The following PI4KA variants were observed in gnomAD, a reference collection of about 807,000 sequenced individuals.
PI4KA encodes the protein phosphatidylinositol 4-kinase alpha, also known as PI4-kinase alpha.
A neutral mutation model predicts 271.4 loss-of-function variants in PI4KA; 122 were observed. The observed-to-expected ratio is 0.45, with a 90% CI of 0.39 to 0.52. PI4KA has a LOEUF of 0.52. PI4KA is among the 20% of genes least tolerant of loss of function. The pLI, the probability that PI4KA is intolerant of heterozygous loss-of-function variation, is 0.00. For missense variants in PI4KA, 1,969 were observed against 2,769.1 expected (o/e 0.71, Z 6.48); for synonymous variants, 1,041 against 1,078.8 (o/e 0.96, Z 0.69).
chr22:20,812,750 T>C (rs936815446), intron 8 of PI4KA, among the ~76,000 whole-genome samples: 11 of 152,156 alleles, frequency 7.2e-5, no homozygotes, highest in African/African-American at 2.4e-4. Context: ...GAGATGGGAT[T>C]TCACCATGTT....
At chr22:20,717,515 C>T (rs1324237067) in intron 45 of PI4KA, among the ~76,000 whole-genome samples, 193 bp downstream of exon 45, 2 of 152,264 alleles carry the variant, frequency 1.3e-5, no homozygotes, top group Non-Finnish European at 2.9e-5. Context: ...GAGCAGCTCC[C>T]GCTCACTAGC....
chr22:20,819,303 G>C (rs888574918), intron 6 of PI4KA, among the ~76,000 whole-genome samples: 2 of 148,802 alleles, frequency 1.3e-5, no homozygotes, highest in Non-Finnish European at 3.0e-5. Context: ...TTAAAGGAGT[G>C]GTTTTTTTTT....
chr22:20,759,722 C>T (rs1366691030), intron 23 of PI4KA, among the ~76,000 whole-genome samples: 1 of 152,116 alleles, frequency 6.6e-6, no homozygotes, highest in African/African-American at 2.4e-5. Context: ...CAGGCCACCA[C>T]GCCCGGCTAA....
intron 4 of PI4KA, 37 bp downstream of exon 4, chr22:20,824,289 A>T (rs1404778558): frequency 7.7e-7 from 1 of 1,301,650 alleles, no homozygotes; most frequent in East Asian, 2.3e-5. Context: ...ATTCAATCTA[A>T]TAGAAATGCA....
At chr22:20,761,515 G>A in intron 22 of PI4KA, 129 bp from the exon 23 acceptor site, 1 of 670,708 alleles carries the variant, frequency 1.5e-6, no homozygotes, top group Non-Finnish European at 2.7e-6. Flanking sequence ...GGTGCACACT[G>A]AGGTGGACTT....
intron 3 of PI4KA, among the ~76,000 whole-genome samples, chr22:20,831,911 C>T (rs165883): frequency 0.8 from 120,877 of 152,036 alleles, 48,430 homozygotes; most frequent in African/African-American, 0.87. Flanking sequence ...TCCTGAAATA[C>T]GTTTTCCAAG....
chr22:20,728,277 A>T (rs903746782), intron 39 of PI4KA, among the ~76,000 whole-genome samples: 35 of 152,366 alleles, frequency 2.3e-4, no homozygotes, highest in African/African-American at 7.9e-4. Flanking sequence ...AAATAAAAAA[A>T]TGTTTAGCCA....
At position 20,714,621 on chromosome 22, in the gene PI4KA, C is replaced by A. The variant is rs758288643; in HGVS notation, c.5390+7G>T. On this transcript the variant is annotated splice_region_variant and intron_variant, in intron 46 of 54. Transcript: ENST00000255882. ...GAAGTGGGGGATGGGTAGGGTGAGG[C>A]GCCCACCTCTGCATCGGGGTCCCAG... is the stretch of plus-strand genomic sequence containing the variant. 4 of 1,613,988 alleles carry A rather than the reference C, an allele frequency of 2.5e-6. No homozygotes were observed. In the South Asian group the frequency reaches 4.4e-5, roughly 18 times the overall value.
chr22:20,746,427 T>C (rs1601395114), intron 29 of PI4KA, among the ~76,000 whole-genome samples: 1 of 152,156 alleles, frequency 6.6e-6, no homozygotes, highest in East Asian at 1.9e-4. Context: ...TCAAATTTTC[T>C]GGGGAAAAAG....
At chr22:20,824,732 TCACACA>T (rs361914) in intron 3 of PI4KA, among the ~76,000 whole-genome samples, 38,161 of 136,050 alleles carry the variant, frequency 0.28, 5,185 homozygotes, top group East Asian at 0.42. Context: ...ATGTGATAAA[TCACACA>T]CACACACACA....
At chr22:20,727,610 G>T in intron 40 of PI4KA, 164 bp downstream of exon 40, 1 of 683,664 alleles carries the variant, frequency 1.5e-6, no homozygotes, top group Non-Finnish European at 2.5e-6. Flanking sequence ...CAAAATAAAT[G>T]CTACAGACAA....
Position 20,717,724 on chromosome 22 carries a change from T to C in PI4KA, c.5301A>G (p.Glu1767=). 1.3e-6 allele frequency: 2 copies of C among 1,582,104 alleles called. No individual in the cohort carries two copies. The highest frequency in any genetic ancestry group is 2.3e-5 in the South Asian group (2 of 86,832). Residue 1767 remains glutamate, a synonymous_variant, in exon 45 of 55, where the codon GAA becomes GAG. Transcript: ENST00000255882. ...CCTGCTCACCCGGCTGCACCTTCAC[T>C]TCAGACAGGGCCGACAGACAAGCCT... ...RKKACLSALS[E]VKVQPGCYLP... is the part of the protein sequence containing the mutation.
intron 19 of PI4KA, among the ~76,000 whole-genome samples, chr22:20,768,287 G>T (rs1411799848): frequency 6.6e-6 from 1 of 151,990 alleles, no homozygotes; most frequent in Non-Finnish European, 1.5e-5. Context: ...GCCCAGGGTG[G>T]TATTAAACTC....
At chr22:20,785,050 T>A (rs1040127749) in intron 19 of PI4KA, among the ~76,000 whole-genome samples, 2 of 151,610 alleles carry the variant, frequency 1.3e-5, no homozygotes, top group African/African-American at 4.8e-5. Context: ...CGGCAGCTCT[T>A]GAGAAAGGGA....
chr22:20,772,081 C>A (rs1490894591), intron 19 of PI4KA, among the ~76,000 whole-genome samples: 1 of 152,184 alleles, frequency 6.6e-6, no homozygotes, highest in Non-Finnish European at 1.5e-5. Flanking sequence ...CATTCATTAA[C>A]CTCATTTAAT....
intron 19 of PI4KA, chr22:20,779,062 G>A (rs1933530818): frequency 1.1e-6 from 1 of 931,000 alleles, no homozygotes; most frequent in East Asian, 3.0e-5. Context: ...TTTAAAGAAG[G>A]GATTTTCATC....
intron 52 of PI4KA, chr22:20,710,321 T>C (rs1006775804): frequency 1.1e-4 from 60 of 528,516 alleles, no homozygotes; most frequent in African/African-American, 1.1e-3. Context: ...GCAGTGGGGA[T>C]GAACCCAGGT....
At chr22:20,716,207 C>T (rs1490441110) in intron 45 of PI4KA, among the ~76,000 whole-genome samples, 1 of 152,204 alleles carries the variant, frequency 6.6e-6, no homozygotes, top group Non-Finnish European at 1.5e-5. Flanking sequence ...CCCGCCACCA[C>T]ACCCGGCTGA....
intron 1 of PI4KA, among the ~76,000 whole-genome samples, chr22:20,844,689 G>C (rs999387024): frequency 2.0e-5 from 3 of 152,096 alleles, no homozygotes; most frequent in African/African-American, 7.2e-5. Flanking sequence ...ACCCAGTTCT[G>C]GTGGGTGCCA....
Sources: gnomAD v4.1 joint callset for allele counts (sites outside exome capture counted in the v4.1 genomes callset) on GRCh38, gnomAD v4.1.1 for gene constraint, MANE v1.5 for transcripts, NCBI Gene and HGNC (gene_info 2026-07-23, HGNC 2026-07-21) for gene names.